C10orf90: variants seen among roughly 807,000 people sequenced by gnomAD.
C10orf90 encodes the protein chromosome 10 open reading frame 90.
A neutral mutation model predicts 62.5 loss-of-function variants in C10orf90; 56 were observed. The ratio of observed to expected loss-of-function variants is 0.90; its 90% CI spans 0.72 to 1.12. The LOEUF is 1.12. Ranked by LOEUF, C10orf90 falls within the 50% of genes most tolerant of loss-of-function variation. The pLI is 0.00. For missense variants in C10orf90, 970 were observed against 880.4 expected (o/e 1.10, Z -1.29); for synonymous variants, 386 against 340.4 (o/e 1.13, Z -1.47).
intron 2 of C10orf90, among the ~76,000 whole-genome samples, chr10:126,598,111 G>A (rs1342125948): frequency 6.6e-6 from 1 of 152,122 alleles, no homozygotes; most frequent in African/African-American, 2.4e-5. Flanking sequence ...AGAAAAGGAA[G>A]AAGGCTAACA....
At chr10:126,511,883 G>A (rs1040941981) in intron 3 of C10orf90, 2 of 152,032 alleles carry the variant, frequency 1.3e-5, no homozygotes, top group Non-Finnish European at 2.9e-5. Context: ...TTAAAGAAGA[G>A]AACTCCGTTC....
intron 2 of C10orf90, among the ~76,000 whole-genome samples, chr10:126,576,872 A>C (rs1418918743): frequency 6.6e-6 from 1 of 151,050 alleles, no homozygotes; most frequent in Non-Finnish European, 1.5e-5. Flanking sequence ...GAAGGACATT[A>C]TTTTAAGTGA....
At chr10:126,455,554 G>A (rs1401265835) in intron 7 of C10orf90, among the ~76,000 whole-genome samples, 1 of 152,202 alleles carries the variant, frequency 6.6e-6, no homozygotes, top group Non-Finnish European at 1.5e-5. Context: ...TGAAGAGATG[G>A]ACAAAGAAGT....
At chr10:126,528,693 G>A (rs1458467420) in intron 2 of C10orf90, among the ~76,000 whole-genome samples, 1 of 152,130 alleles carries the variant, frequency 6.6e-6, no homozygotes, top group Non-Finnish European at 1.5e-5. Context: ...TGCGAAATGG[G>A]CTCAATAACC....
At chr10:126,477,368 C>G (rs972060080) in intron 4 of C10orf90, among the ~76,000 whole-genome samples, 4 of 151,660 alleles carry the variant, frequency 2.6e-5, no homozygotes, top group African/African-American at 7.3e-5. Flanking sequence ...CCTCAGAACA[C>G]CCCAGTCAAA....
At chr10:126,526,614 C>G (rs754306669) in intron 2 of C10orf90, among the ~76,000 whole-genome samples, 2 of 152,122 alleles carry the variant, frequency 1.3e-5, no homozygotes, top group Non-Finnish European at 2.9e-5. Flanking sequence ...TTTTAAAGTG[C>G]ACAATTCCGT....
chr10:126,597,826 C>G (rs1421829441), intron 2 of C10orf90, among the ~76,000 whole-genome samples: 1 of 152,156 alleles, frequency 6.6e-6, no homozygotes, highest in Admixed American at 6.5e-5. Flanking sequence ...ATAAGCAATT[C>G]CTTACAAATA....
At chr10:126,604,566 G>A (rs1012401306) in intron 2 of C10orf90, among the ~76,000 whole-genome samples, 33 of 152,176 alleles carry the variant, frequency 2.2e-4, no homozygotes, top group Non-Finnish European at 4.1e-4. Flanking sequence ...AAATGTGGAC[G>A]TGGTCTCTTC....
At chr10:126,550,501 T>A (rs1285986964) in intron 2 of C10orf90, among the ~76,000 whole-genome samples, 1 of 151,990 alleles carries the variant, frequency 6.6e-6, no homozygotes, top group Non-Finnish European at 1.5e-5. Flanking sequence ...GTATATGAAA[T>A]ATTTCTGTAT....
intron 4 of C10orf90, among the ~76,000 whole-genome samples, chr10:126,476,908 C>CT (rs10590718): frequency 0.083 from 9,965 of 120,714 alleles, 650 homozygotes; most frequent in South Asian, 0.18. Flanking sequence ...CACCATTTTC[C>CT]TTTTTTTTTT....
At chr10:126,642,201 AT>A (rs1846071555) in intron 2 of C10orf90, among the ~76,000 whole-genome samples, 1 of 152,170 alleles carries the variant, frequency 6.6e-6, no homozygotes, top group African/African-American at 2.4e-5. Flanking sequence ...TGAATCGCTA[AT>A]TGATGGCAAG....
intron 2 of C10orf90, among the ~76,000 whole-genome samples, chr10:126,535,006 T>C (rs1011860187): frequency 2.0e-5 from 3 of 152,148 alleles, no homozygotes; most frequent in Non-Finnish European, 4.4e-5. Flanking sequence ...ACCACATTCA[T>C]GAAAGAGCCA....
intron 1 of C10orf90, among the ~76,000 whole-genome samples, chr10:126,668,618 G>A (rs1034843439): frequency 3.3e-5 from 5 of 152,298 alleles, no homozygotes; most frequent in South Asian, 4.1e-4. Context: ...AGGGACAGGG[G>A]GTGCAAATCC....
At position 126,504,466 on chromosome 10, in the gene C10orf90, G is replaced by T; in HGVS notation, c.1025C>A (p.Pro342Gln). 1 of 1,614,182 alleles carries T rather than the reference G, an allele frequency of 6.2e-7. No individual in the cohort carries two copies. The highest frequency in any genetic ancestry group is 1.1e-5 in the South Asian group (1 of 91,084). ...SPDTPLSGKSPLVFSSCVHLR... is the reference protein window; with the variant it reads ...SPDTPLSGKSQLVFSSCVHLR... ...GTGGACACAGGAACTGAACACCAGC[G>T]GGCTCTTTCCTGACAGTGGGGTGTC... The change falls in exon 4 of 10, where the codon CCG becomes CAG. Residue 342 changes from proline (P) to glutamine (Q), a missense_variant. By Grantham distance (76) the Pro-to-Gln change is moderately conservative. Transcript: ENST00000488181. The surrounding 1 kb of genome is among the most constrained non-coding windows in gnomAD (Gnocchi z 4.1).
intron 7 of C10orf90, among the ~76,000 whole-genome samples, chr10:126,446,590 G>C (rs1176367025): frequency 6.6e-6 from 1 of 152,054 alleles, no homozygotes; most frequent in African/African-American, 2.4e-5. Flanking sequence ...CAAAAGCTAA[G>C]GGGTTCACCA....
intron 2 of C10orf90, among the ~76,000 whole-genome samples, chr10:126,559,085 C>T (rs555878134): frequency 3.9e-5 from 6 of 152,292 alleles, no homozygotes; most frequent in African/African-American, 1.2e-4. Flanking sequence ...TTTGTAAAAC[C>T]ATTCTATGCC....
chr10:126,512,912 A>C (rs538383699), intron 3 of C10orf90, among the ~76,000 whole-genome samples: 39 of 152,304 alleles, frequency 2.6e-4, no homozygotes, highest in African/African-American at 9.1e-4. Context: ...GGAAATGTTG[A>C]GCTTTATTAA....
intron 2 of C10orf90, among the ~76,000 whole-genome samples, chr10:126,645,370 C>T (rs1357747618): frequency 6.6e-6 from 1 of 151,194 alleles, no homozygotes; most frequent in African/African-American, 2.4e-5. Flanking sequence ...GAGTTTGAGA[C>T]CAGGCGAGGC....
intron 2 of C10orf90, among the ~76,000 whole-genome samples, chr10:126,633,870 A>G (rs1845898340): frequency 6.6e-6 from 1 of 152,230 alleles, no homozygotes; most frequent in African/African-American, 2.4e-5. Flanking sequence ...CTAATTTAAA[A>G]ATTAATGATT....
Sources: allele counts gnomAD v4.1 joint callset (sites outside exome capture counted in the v4.1 genomes callset), GRCh38; gene constraint gnomAD v4.1.1; non-coding constraint Gnocchi (gnomAD v3.1); transcripts MANE v1.5; gene names NCBI Gene and HGNC (gene_info 2026-07-23, HGNC 2026-07-21).